ANKS1A: variants seen among roughly 807,000 people sequenced by gnomAD.
The protein encoded by ANKS1A is ankyrin repeat and SAM domain-containing protein 1A.
A neutral mutation model predicts 120.3 loss-of-function variants in ANKS1A; 55 were observed. That is an observed-to-expected ratio of 0.46 (90% confidence interval 0.37 to 0.57). ANKS1A has a LOEUF of 0.57. Ranked by LOEUF, ANKS1A falls within the 20% of genes least tolerant of loss-of-function variation. The pLI, the probability that ANKS1A is intolerant of heterozygous loss-of-function variation, is 0.00. For missense variants in ANKS1A, 1,123 were observed against 1,480.3 expected (o/e 0.76, Z 3.96); for synonymous variants, 590 against 604.7 (o/e 0.98, Z 0.36).
At chr6:34,943,622 ATCT>A (rs766639711) in intron 1 of ANKS1A, among the ~76,000 whole-genome samples, 1 of 152,152 alleles carries the variant, frequency 6.6e-6, no homozygotes, top group African/African-American at 2.4e-5. Context: ...GCAGGCACTG[ATCT>A]TCTTACCATC....
chr6:35,094,987 T>G (rs899004475), downstream of ANKS1A, among the ~76,000 whole-genome samples: 15 of 150,018 alleles, frequency 1.0e-4, no homozygotes, highest in Non-Finnish European at 1.9e-4. Flanking sequence ...AGAAAAACTT[T>G]AAAATTAGCT....
chr6:34,908,080 A>AATATTT, intron 1 of ANKS1A, among the ~76,000 whole-genome samples: 1 of 152,244 alleles, frequency 6.6e-6, no homozygotes, highest in South Asian at 2.1e-4. Context: ...TGCTAATATT[A>AATATTT]ATATTTATAC....
chr6:34,936,218 C>T (rs1253439628), intron 1 of ANKS1A, among the ~76,000 whole-genome samples: 1 of 152,114 alleles, frequency 6.6e-6, no homozygotes, highest in Non-Finnish European at 1.5e-5. Flanking sequence ...CACATTATGC[C>T]AACCAGCTCT....
chr6:34,924,015 A>G (rs1161031019), intron 1 of ANKS1A, among the ~76,000 whole-genome samples: 1 of 152,080 alleles, frequency 6.6e-6, no homozygotes, highest in Non-Finnish European at 1.5e-5. Context: ...GACAGTGGAT[A>G]CACTGGGAAT....
chr6:35,092,289 G>A (rs1043585948), downstream of ANKS1A, among the ~76,000 whole-genome samples: 22 of 152,122 alleles, frequency 1.4e-4, no homozygotes, highest in Middle Eastern at 6.3e-3. Context: ...GGACGCTTCC[G>A]TTTCTTAAAA....
At chr6:34,904,688 C>T (rs576681288) in intron 1 of ANKS1A, among the ~76,000 whole-genome samples, 33 of 152,336 alleles carry the variant, frequency 2.2e-4, no homozygotes, top group Admixed American at 7.8e-4. Context: ...GCTGATATTT[C>T]GCCACTGCAC....
At chr6:34,945,433 C>CT (rs1349464041) in intron 1 of ANKS1A, among the ~76,000 whole-genome samples, 2 of 152,274 alleles carry the variant, frequency 1.3e-5, no homozygotes, top group East Asian at 3.9e-4. Flanking sequence ...TCTAGATTCA[C>CT]TTTTTTTGCA....
In ANKS1A at chr6:35,057,616, T is replaced by C. The variant is rs1776280191; in HGVS notation, c.2078-2531T>C. Among the ~76,000 whole-genome samples, 1 of 152,190 alleles carries C rather than the reference T, an allele frequency of 6.6e-6. No homozygotes were observed. ...ATCTGTACTTGGGATTTGGCCCTGG[T>C]TTCCCCCTTGCCCTTGGCCATCGCT... On this transcript the variant is annotated intron_variant, in intron 12 of 23. Coordinates refer to ENST00000360359, the MANE Select transcript of ANKS1A (RefSeq NM_015245.3). The surrounding 1 kb of genome is among the most constrained non-coding windows in gnomAD (Gnocchi z 4.1).
At chr6:34,896,696 G>T (rs973927993) in intron 1 of ANKS1A, among the ~76,000 whole-genome samples, 1 of 152,172 alleles carries the variant, frequency 6.6e-6, no homozygotes, top group African/African-American at 2.4e-5. Flanking sequence ...CAGGCGCAGT[G>T]GCTCACGCCT....
Position 35,084,324 on chromosome 6 carries a change from T to C in ANKS1A, c.3132+66T>C. ...GCAGCCCTGAGGCGTCCAGCCCCAT[T>C]GCAGGGCACAGATGCGGCGCTGTCC... On this transcript the variant is annotated intron_variant, in intron 21 of 23. Transcript: ENST00000360359. The surrounding 1 kb of genome is among the most constrained non-coding windows in gnomAD (Gnocchi z 4.8). The C allele has an allele frequency of 2.5e-6, 4 of 1,588,504 alleles. No individual in the cohort carries two copies. The highest frequency in any genetic ancestry group is 3.4e-6 in the Non-Finnish European group (4 of 1,168,588).
chr6:35,010,238 G>A (rs772652433), intron 10 of ANKS1A, among the ~76,000 whole-genome samples: 1 of 152,090 alleles, frequency 6.6e-6, no homozygotes, highest in Admixed American at 6.6e-5. Context: ...AAGAAACATA[G>A]GAAGATAACT....
At chr6:34,986,126 G>A (rs1772188312) in intron 8 of ANKS1A, among the ~76,000 whole-genome samples, 1 of 152,200 alleles carries the variant, frequency 6.6e-6, no homozygotes, top group Non-Finnish European at 1.5e-5. Flanking sequence ...GTGTTGAATA[G>A]CTTATGTAAT....
At chr6:34,910,982 A>C (rs1197800764) in intron 1 of ANKS1A, among the ~76,000 whole-genome samples, 1 of 152,202 alleles carries the variant, frequency 6.6e-6, no homozygotes. Flanking sequence ...GTAAGGGATA[A>C]CTGAAATGAA....
intron 11 of ANKS1A, among the ~76,000 whole-genome samples, chr6:35,030,783 A>G (rs1253080859): frequency 1.3e-5 from 2 of 152,258 alleles, no homozygotes; most frequent in East Asian, 1.9e-4. Context: ...TGAAGCTGCA[A>G]TTATGTCCTC....
intron 1 of ANKS1A, among the ~76,000 whole-genome samples, chr6:34,914,780 A>G (rs1409659917): frequency 6.6e-6 from 1 of 152,206 alleles, no homozygotes; most frequent in Non-Finnish European, 1.5e-5. Context: ...GAGCATTAAC[A>G]TTGTACCATG....
In ANKS1A at chr6:34,996,546, C is replaced by T. The variant is rs555388236; in HGVS notation, c.1423+2124C>T. Among the ~76,000 whole-genome samples the T allele has an allele frequency of 2.7e-3, 406 of 151,744 alleles. 6 individuals are homozygous for T. The highest frequency in any genetic ancestry group is 3.7e-3 in the Non-Finnish European group (253 of 67,956). Reference sequence around the variant, plus strand: ...GGAGTGCAGTGGCCCAATCTCAGCTCACTGCAACCTCCACTTCCTGGGTTC... The same window carrying T: ...GGAGTGCAGTGGCCCAATCTCAGCTTACTGCAACCTCCACTTCCTGGGTTC... On this transcript the variant is annotated intron_variant, in intron 10 of 23. Transcript: ENST00000360359.
At position 35,086,249 on chromosome 6, in the gene ANKS1A, C is replaced by T; in HGVS notation, c.3303+313C>T. On this transcript the variant is annotated intron_variant, in intron 22 of 23. Coordinates refer to ENST00000360359, the MANE Select transcript of ANKS1A (RefSeq NM_015245.3). The surrounding 1 kb of genome is among the most constrained non-coding windows in gnomAD (Gnocchi z 5.1). Reference sequence around the variant, plus strand: ...AACTGCGCCATCCCTGTGTCTGTGTCTGCTTTGCTCTGCACCCCAGGTGCC... The same window carrying T: ...AACTGCGCCATCCCTGTGTCTGTGTTTGCTTTGCTCTGCACCCCAGGTGCC... The T allele has an allele frequency of 7.4e-7, 1 of 1,358,116 alleles. No individual in the cohort carries two copies. Among genetic ancestry groups the T allele is most frequent in the South Asian group, 1.2e-5 (1 of 81,590 alleles). The allele number at this position is 1,358,116 out of a possible 1,614,324, so 84.1% of individuals were successfully genotyped here. A position where few individuals can be genotyped will look rare whatever the true frequency, so the allele number is the denominator to read the frequency against.
At position 35,050,730 on chromosome 6, in the gene ANKS1A, C is replaced by T. The variant is rs138820493; in HGVS notation, c.2011-3369C>T. 2.0e-3 allele frequency among the ~76,000 whole-genome samples: 301 copies of T among 152,332 alleles called. No homozygotes were observed. The highest frequency in any genetic ancestry group is 2.4e-3 in the Non-Finnish European group (161 of 68,026). ...GGCTGAGGGCTTGGGCAGACCACAG[C>T]TCCAGACACTCTGTGGTGCCAGGGT... On this transcript the variant is annotated intron_variant, in intron 11 of 23. Transcript: ENST00000360359. The surrounding 1 kb of genome is among the most constrained non-coding windows in gnomAD (Gnocchi z 4.3).
At chr6:35,076,595 G>T (rs1777369405) in intron 13 of ANKS1A, among the ~76,000 whole-genome samples, 1 of 152,146 alleles carries the variant, frequency 6.6e-6, no homozygotes, top group South Asian at 2.1e-4. Flanking sequence ...CAGTTGTAGG[G>T]TGGGAATAAC....
Sources: allele counts gnomAD v4.1 joint callset (sites outside exome capture counted in the v4.1 genomes callset), GRCh38; gene constraint gnomAD v4.1.1; non-coding constraint Gnocchi (gnomAD v3.1); transcripts MANE v1.5; gene names NCBI Gene and HGNC (gene_info 2026-07-23, HGNC 2026-07-21).